Variants in TRPM2 observed in about 807,000 individuals in gnomAD.
TRPM2 encodes estrogen-responsive element-associated gene 1 protein.
TRPM2 carries 161 observed loss-of-function variants against 174.0 expected under a neutral mutation model. The observed-to-expected ratio is 0.93, with a 90% CI of 0.81 to 1.05. The LOEUF (loss-of-function observed/expected upper bound fraction) is 1.05, where lower values mean the gene tolerates loss of function less well. TRPM2 is among the 50% of genes least tolerant of loss of function. TRPM2 has a pLI of 0.00. For synonymous variants in TRPM2, 954 were observed against 861.3 expected (o/e 1.11, Z -1.88); for missense variants, 2,057 against 2,038.0 (o/e 1.01, Z -0.18).
intron 5 of TRPM2, among the ~76,000 whole-genome samples, chr21:44,375,205 C>A (rs1174613280): frequency 6.6e-6 from 1 of 152,228 alleles, no homozygotes; most frequent in South Asian, 2.1e-4. Flanking sequence ...CCACCGCGCC[C>A]GTCTCCGCAA....
At chr21:44,377,828 A>T (rs918346527) in intron 7 of TRPM2, 55 bp downstream of exon 7, 2 of 1,595,170 alleles carry the variant, frequency 1.3e-6, no homozygotes, top group African/African-American at 1.3e-5. Context: ...CTGCAGGCAG[A>T]TGACTGTCCA....
chr21:44,426,591 A>G, intron 25 of TRPM2, 69 bp from the exon 26 acceptor site: 2 of 1,538,930 alleles, frequency 1.3e-6, no homozygotes, highest in Admixed American at 1.7e-5. Flanking sequence ...CAGCCCTTTC[A>G]CCCTGGTGCC....
At chr21:44,365,898 C>T (rs766187345) in intron 3 of TRPM2, among the ~76,000 whole-genome samples, 126 of 152,350 alleles carry the variant, frequency 8.3e-4, no homozygotes, top group Non-Finnish European at 1.4e-3. Flanking sequence ...GACCCACGTT[C>T]TGATGGTGAC....
rs548877109 is a variant in TRPM2, at chr21:44,399,449, C to T, written c.2208+8C>T. The T allele has an allele frequency of 4.4e-6, 7 of 1,606,956 alleles. No homozygotes were observed. The Admixed American group carries it at 1.2e-4, about 27-fold the overall frequency. On this transcript the variant is annotated splice_region_variant and intron_variant, in intron 14 of 31. Coordinates refer to ENST00000397928, the MANE Select transcript of TRPM2 (RefSeq NM_003307.4). The surrounding 1 kb of genome is among the most constrained non-coding windows in gnomAD (Gnocchi z 4.6). ...TCTCACGGGGGCATCCAGGTGACCTCCCAAGAGCCCCTTCCAGAAACAGAC... is the reference window on the plus strand; with the variant it reads ...TCTCACGGGGGCATCCAGGTGACCTTCCAAGAGCCCCTTCCAGAAACAGAC...
At chr21:44,425,019 G>A (rs2050702418) in intron 24 of TRPM2, 80 bp downstream of exon 24, 3 of 1,281,508 alleles carry the variant, frequency 2.3e-6, no homozygotes, top group Non-Finnish European at 3.2e-6. Flanking sequence ...AGGAGAGGCA[G>A]CTGGGGGTGG....
At position 44,427,131 on chromosome 21, in the gene TRPM2, GC is replaced by G. The variant is rs1179384566; in HGVS notation, c.3974+24del. Reference sequence around the variant, plus strand: ...GCCCCTGTGAGTGTGCCCCCTGCGGGCCCCGCCCCGTCAGCCTTTGGGGTTT... The same window carrying G: ...GCCCCTGTGAGTGTGCCCCCTGCGGGCCCGCCCCGTCAGCCTTTGGGGTTT... On this transcript the variant is annotated intron_variant, in intron 27 of 31. Transcript: ENST00000397928. 3 of 1,551,976 alleles carry G rather than the reference GC, an allele frequency of 1.9e-6. No homozygotes were observed. The highest frequency in any genetic ancestry group is 2.4e-5 in the South Asian group (2 of 84,472).
At chr21:44,427,168 C>T (rs2050829247) in intron 27 of TRPM2, 57 bp downstream of exon 27, 2 of 1,403,582 alleles carry the variant, frequency 1.4e-6, no homozygotes, top group Admixed American at 2.5e-5. Context: ...GCCTGGGGGG[C>T]AGGTTTCCTC....
chr21:44,406,681 G>A lies in TRPM2; in HGVS notation c.2878G>A (p.Glu960Lys). 9.3e-6 allele frequency: 15 copies of A among 1,610,360 alleles called. No homozygotes were observed. Among genetic ancestry groups the A allele is most frequent in the Middle Eastern group, 1.9e-4 (1 of 5,234 alleles). ...CAAGCAGGCCATCCTCATCCACAACGAGCGCCGGGTGGACTGGCTGTTCCG... is the reference window on the plus strand; with the variant it reads ...CAAGCAGGCCATCCTCATCCACAACAAGCGCCGGGTGGACTGGCTGTTCCG... Reference protein sequence around the residue: ...VAKQAILIHNERRVDWLFRGA... With the variant: ...VAKQAILIHNKRRVDWLFRGA... The change falls in exon 19 of 32, where the codon GAG (glutamate) becomes AAG (lysine). Residue 960 changes from glutamate to lysine, a missense_variant. Coordinates refer to ENST00000397928, the MANE Select transcript of TRPM2 (RefSeq NM_003307.4).
At chr21:44,437,535 C>T (rs901493570) in intron 29 of TRPM2, among the ~76,000 whole-genome samples, 16 of 152,112 alleles carry the variant, frequency 1.1e-4, no homozygotes, top group Non-Finnish European at 2.1e-4. Flanking sequence ...CAGCTCCTGA[C>T]CTTCAGGGCC....
intron 18 of TRPM2, 56 bp from the exon 19 acceptor site, chr21:44,406,538 G>A (rs1006570405): frequency 6.5e-6 from 10 of 1,549,904 alleles, no homozygotes; most frequent in East Asian, 4.5e-5. Flanking sequence ...CTGCCTCTGG[G>A]CCCAGTGAGC....
At chr21:44,437,240 CCACGGACTGGA>C in intron 29 of TRPM2, 73 bp downstream of exon 29, 1 of 1,408,410 alleles carries the variant, frequency 7.1e-7, no homozygotes, top group Non-Finnish European at 9.8e-7. Context: ...TCCATTCTGC[CCACGGACTGGA>C]CACCAGCCCC....
At chr21:44,396,537 GGCTGT>G (rs1429125995) in intron 12 of TRPM2, among the ~76,000 whole-genome samples, 1 of 29,678 alleles carries the variant, frequency 3.4e-5, no homozygotes, top group Admixed American at 2.6e-4. Flanking sequence ...GGGGTGTGGA[GGCTGT>G]GGAGGGGTGT....
At chr21:44,358,530 G>C (rs2048120554) in intron 2 of TRPM2, among the ~76,000 whole-genome samples, 1 of 152,224 alleles carries the variant, frequency 6.6e-6, no homozygotes, top group Non-Finnish European at 1.5e-5. Context: ...TTCTGGATCA[G>C]TGTCCGCAAT....
rs1436049852 is a variant in TRPM2, at chr21:44,424,837, G to C, written c.3550-15G>C. The C allele has an allele frequency of 4.5e-6, 7 of 1,571,898 alleles. No homozygotes were observed. The highest frequency in any genetic ancestry group is 1.2e-5 in the South Asian group (1 of 85,812). ...GGTGGCAGGTGCTCACTGTGTCTCG[G>C]GCCATGCCTTCCAGGTGGCCCAGAC... On this transcript the variant is annotated splice_polypyrimidine_tract_variant and intron_variant, in intron 23 of 31. Transcript: ENST00000397928.
intron 3 of TRPM2, among the ~76,000 whole-genome samples, chr21:44,365,558 T>C (rs1032385175): frequency 6.6e-6 from 1 of 152,138 alleles, no homozygotes; most frequent in African/African-American, 2.4e-5. Context: ...AGATGAGGGA[T>C]TGAGGTATGG....
At position 44,369,243 on chromosome 21, in the gene TRPM2, A is replaced by T. The variant is rs2048450656; in HGVS notation, c.671A>T (p.Asp224Val). 6.2e-7 allele frequency: 1 copy of T among 1,613,526 alleles called. No individual in the cohort carries two copies. Among genetic ancestry groups the T allele is most frequent in the Non-Finnish European group, 8.5e-7 (1 of 1,179,906 alleles). ...AAGCAGGTAGGCGAGGCGGTGCGGG[A>T]CTTCAGCCTGAGCAGCAGCTACAAG... is the stretch of plus-strand genomic sequence containing the variant. Reference protein sequence around the residue: ...VMKQVGEAVRDFSLSSSYKEG... With the variant: ...VMKQVGEAVRVFSLSSSYKEG... Residue 224 changes from aspartate (D) to valine (V), a missense_variant, in exon 5 of 32, where the codon GAC (aspartate) becomes GTC (valine). Asp to Val is a radical substitution (Grantham distance 152). Coordinates refer to ENST00000397928, the MANE Select transcript of TRPM2 (RefSeq NM_003307.4).
chr21:44,352,048 C>G (rs1489666677), upstream of TRPM2, among the ~76,000 whole-genome samples: 1 of 152,232 alleles, frequency 6.6e-6, no homozygotes, highest in Non-Finnish European at 1.5e-5. Context: ...CCTGGGGAGC[C>G]ACCTGCAGTC....
At position 44,439,122 on chromosome 21, in the gene TRPM2, AGGAGCACT is replaced by A; in HGVS notation, c.4226_4233del (p.Glu1409AlafsTer4). ...CGGAAGCTGAAGCGGATCCTCCGGCAGGAGCACTGGCCGTCTTTTGAAAACTTGCTGAA... is the reference window on the plus strand; with the variant it reads ...CGGAAGCTGAAGCGGATCCTCCGGCAGGCCGTCTTTTGAAAACTTGCTGAA... On this transcript the variant is annotated frameshift_variant, in exon 30 of 32. Coordinates refer to ENST00000397928, the MANE Select transcript of TRPM2 (RefSeq NM_003307.4). LOFTEE classifies it high-confidence loss of function. This position sits in a 1 kb window ranked among gnomAD's most constrained non-coding sequence, Gnocchi z 5.1. The A allele has an allele frequency of 8.1e-6, 13 of 1,613,798 alleles. No individual in the cohort carries two copies. The highest frequency in any genetic ancestry group is 1.1e-5 in the Non-Finnish European group (13 of 1,179,878).
At position 44,399,834 on chromosome 21, in the gene TRPM2, C is replaced by T. The variant is rs2049554247; in HGVS notation, c.2208+393C>T. On this transcript the variant is annotated intron_variant, in intron 14 of 31. Coordinates refer to ENST00000397928, the MANE Select transcript of TRPM2 (RefSeq NM_003307.4). The surrounding 1 kb of genome is among the most constrained non-coding windows in gnomAD (Gnocchi z 4.6). ...CCAGGCATGGCTGCCCTCAGCATCG[C>T]CCTGGAACCCCCGGCAGGGCCTGGC... Among the ~76,000 whole-genome samples the T allele has an allele frequency of 1.3e-5, 2 of 152,178 alleles. No homozygotes were observed. The highest frequency in any genetic ancestry group is 2.9e-5 in the Non-Finnish European group (2 of 68,012).
Sources: allele counts gnomAD v4.1 joint callset (sites outside exome capture counted in the v4.1 genomes callset), GRCh38; gene constraint gnomAD v4.1.1; non-coding constraint Gnocchi (gnomAD v3.1); transcripts MANE v1.5; gene names NCBI Gene and HGNC (gene_info 2026-07-23, HGNC 2026-07-21).